PPP6R3: variants seen among roughly 807,000 people sequenced by gnomAD.
PPP6R3 encodes the protein protein phosphatase 6 regulatory subunit 3, also known as serine/threonine-protein phosphatase 6 regulatory subunit 3.
Under a neutral mutation model 110.7 loss-of-function variants are expected in PPP6R3, and 38 were observed. The ratio of observed to expected loss-of-function variants is 0.34; its 90% CI spans 0.26 to 0.45. PPP6R3 has a LOEUF of 0.45. Ranked by LOEUF, PPP6R3 falls within the 20% of genes least tolerant of loss-of-function variation. PPP6R3 has a pLI of 1.00. For synonymous variants in PPP6R3, 369 were observed against 373.5 expected, an observed-to-expected ratio of 0.99 and a Z score of 0.14; for missense variants, 870 against 1,062.4, an observed-to-expected ratio of 0.82 and a Z score of 2.52.
At chr11:68,599,122 T>C (rs147241713) in intron 19 of PPP6R3, among the ~76,000 whole-genome samples, 1 of 152,354 alleles carries the variant, frequency 6.6e-6, no homozygotes, top group East Asian at 1.9e-4. Context: ...GTCACTTGTG[T>C]CTGGGTTAAG....
At chr11:68,492,017 G>A (rs137981033) in intron 1 of PPP6R3, among the ~76,000 whole-genome samples, 358 of 152,250 alleles carry the variant, frequency 2.4e-3, no homozygotes, top group Middle Eastern at 0.014. Context: ...GGCAACTGCC[G>A]TTCTACTGTC....
chr11:68,604,302 T>C (rs892582847), intron 22 of PPP6R3, among the ~76,000 whole-genome samples: 13 of 152,228 alleles, frequency 8.5e-5, no homozygotes, highest in Non-Finnish European at 1.5e-5. Context: ...AGTGTGTACA[T>C]GGTAAAAATT....
Position 68,610,154 on chromosome 11 carries a change from C to T in PPP6R3, c.2570+131C>T, listed in dbSNP as rs1942685142. 7.0e-6 allele frequency: 9 copies of T among 1,286,368 alleles called. No homozygotes were observed. The East Asian group carries it at 7.5e-5, about 11-fold the overall frequency. 79.7% of individuals were successfully genotyped at this position (1,286,368 alleles called of 1,614,324 possible). A position where few individuals can be genotyped will look rare whatever the true frequency, so the allele number is the denominator to read the frequency against. On this transcript the variant is annotated intron_variant, in intron 23 of 23. Coordinates refer to ENST00000393800, the MANE Select transcript of PPP6R3 (RefSeq NM_001164161.2). ...GTCTTAGGCCGCTGACCTGGCAGGACAGGGTTTTCTCAGTCCTTAATGAGC... is the reference window on the plus strand; with the variant it reads ...GTCTTAGGCCGCTGACCTGGCAGGATAGGGTTTTCTCAGTCCTTAATGAGC...
At chr11:68,578,427 T>A (rs1476807133) in intron 14 of PPP6R3, among the ~76,000 whole-genome samples, 1 of 152,228 alleles carries the variant, frequency 6.6e-6, no homozygotes, top group African/African-American at 2.4e-5. Flanking sequence ...GCTTATGCCC[T>A]GTTCCCTTTC....
chr11:68,570,501 G>A (rs2099499740), intron 11 of PPP6R3, among the ~76,000 whole-genome samples: 1 of 152,234 alleles, frequency 6.6e-6, no homozygotes, highest in Admixed American at 6.5e-5. Flanking sequence ...AATGACACCT[G>A]AGAAGAACTA....
In PPP6R3 at chr11:68,537,722, G is replaced by A; in HGVS notation, c.58G>A (p.Glu20Lys). The A allele has an allele frequency of 6.2e-7, 1 of 1,613,494 alleles. No individual in the cohort carries two copies. The highest frequency in any genetic ancestry group is 8.5e-7 in the Non-Finnish European group (1 of 1,179,424). Reference protein sequence around the residue: ...SSHIDTLLEREDVTLKELMDE... With the variant: ...SSHIDTLLERKDVTLKELMDE... Reference sequence around the variant, plus strand: ...CCACATAGACACACTTCTAGAAAGAGAAGATGTAACACTGAAGGAGTTAAT... The same window carrying A: ...CCACATAGACACACTTCTAGAAAGAAAAGATGTAACACTGAAGGAGTTAAT... The change falls in exon 3 of 24, where the codon GAA becomes AAA. Residue 20 changes from glutamate (E) to lysine (K), a missense_variant. Transcript: ENST00000393800.
intron 5 of PPP6R3, among the ~76,000 whole-genome samples, chr11:68,550,368 G>A (rs946800154): frequency 1.3e-5 from 2 of 152,062 alleles, no homozygotes; most frequent in Non-Finnish European, 2.9e-5. Context: ...TTAGCTTTCC[G>A]GGCTTTTTAT....
chr11:68,521,998 A>G (rs540786951), intron 2 of PPP6R3, among the ~76,000 whole-genome samples: 1 of 152,300 alleles, frequency 6.6e-6, no homozygotes, highest in South Asian at 2.1e-4. Context: ...ATGTCTTTTT[A>G]CACAGGTAGG....
chr11:68,483,889 C>T (rs1473836255), intron 1 of PPP6R3, among the ~76,000 whole-genome samples: 1 of 152,216 alleles, frequency 6.6e-6, no homozygotes, highest in Non-Finnish European at 1.5e-5. Flanking sequence ...TCTATTCATC[C>T]TTACCTCCCT....
At chr11:68,612,322 A>G (rs972428290) in intron 23 of PPP6R3, among the ~76,000 whole-genome samples, 2 of 152,240 alleles carry the variant, frequency 1.3e-5, no homozygotes, top group African/African-American at 2.4e-5. Flanking sequence ...CATGAGTAGC[A>G]TTCTAGCTGT....
At chr11:68,561,214 A>G (rs1261440686) in intron 8 of PPP6R3, among the ~76,000 whole-genome samples, 2 of 152,096 alleles carry the variant, frequency 1.3e-5, no homozygotes, top group African/African-American at 4.8e-5. Flanking sequence ...TGTAAATGAT[A>G]TATGTTAAGC....
intron 9 of PPP6R3, among the ~76,000 whole-genome samples, chr11:68,566,162 T>A (rs1361339589): frequency 6.6e-6 from 1 of 152,220 alleles, no homozygotes; most frequent in Admixed American, 6.5e-5. Context: ...TTTGCATTTT[T>A]ATCACAGATT....
intron 15 of PPP6R3, among the ~76,000 whole-genome samples, chr11:68,586,040 A>G (rs1233870966): frequency 6.6e-6 from 1 of 152,054 alleles, no homozygotes; most frequent in Non-Finnish European, 1.5e-5. Context: ...AGGTAGGAGG[A>G]TTACTAGGAG....
chr11:68,562,729 T>C (rs540595263), intron 8 of PPP6R3, among the ~76,000 whole-genome samples: 9 of 152,304 alleles, frequency 5.9e-5, no homozygotes, highest in Admixed American at 5.2e-4. Flanking sequence ...GACTTTGATA[T>C]ATATTTTGCA....
Position 68,506,445 on chromosome 11 carries a change from A to G in PPP6R3, c.-157-13056A>G, listed in dbSNP as rs901176216. ...AAAAAAAAAAAAAAAAAAAAAAAAAAAAATTCCTAACTGTAAATTGATAAA... is the reference window on the plus strand; with the variant it reads ...AAAAAAAAAAAAAAAAAAAAAAAAAGAAATTCCTAACTGTAAATTGATAAA... On this transcript the variant is annotated intron_variant, in intron 1 of 23. Coordinates refer to ENST00000393800, the MANE Select transcript of PPP6R3 (RefSeq NM_001164161.2). Among the ~76,000 whole-genome samples the G allele has an allele frequency of 1.5e-3, 217 of 145,716 alleles. 1 individual carries two copies. The highest frequency in any genetic ancestry group is 5.4e-3 in the African/African-American group (212 of 39,434).
In PPP6R3 at chr11:68,551,107, A is replaced by G. The variant is rs760052515; in HGVS notation, c.553-14A>G. On this transcript the variant is annotated splice_polypyrimidine_tract_variant and intron_variant, in intron 5 of 23. Coordinates refer to ENST00000393800, the MANE Select transcript of PPP6R3 (RefSeq NM_001164161.2). ...CACTCATTGCTATGATTACTTCTACAATGTGTTTTACAGTGGTTAAATGAG... is the reference window on the plus strand; with the variant it reads ...CACTCATTGCTATGATTACTTCTACGATGTGTTTTACAGTGGTTAAATGAG... 1.9e-6 allele frequency: 3 copies of G among 1,577,514 alleles called. No individual in the cohort carries two copies. Among genetic ancestry groups the G allele is most frequent in the Admixed American group, 3.4e-5 (2 of 59,096 alleles).
In PPP6R3 at chr11:68,589,795, A is replaced by C. The variant is rs142615723; in HGVS notation, c.1731-865A>C. ...TAAAATATTTTTACAGCACGCTCTT[A>C]ATTGTGCTATAAACATGCCGTATGG... On this transcript the variant is annotated intron_variant, in intron 16 of 23. Transcript: ENST00000393800. Among the ~76,000 whole-genome samples the C allele has an allele frequency of 2.0e-5, 3 of 152,372 alleles. No homozygotes were observed. The East Asian group carries it at 5.8e-4, about 29-fold the overall frequency.
intron 1 of PPP6R3, among the ~76,000 whole-genome samples, chr11:68,494,198 C>T (rs920796928): frequency 6.6e-6 from 1 of 151,090 alleles, no homozygotes; most frequent in Non-Finnish European, 1.5e-5. Flanking sequence ...ACATCATTTA[C>T]CCTGATGTGA....
chr11:68,497,548 A>T (rs969442418), intron 1 of PPP6R3, among the ~76,000 whole-genome samples: 1 of 150,946 alleles, frequency 6.6e-6, no homozygotes, highest in East Asian at 2.0e-4. Flanking sequence ...AGAAACGGGG[A>T]TTTACCACGT....
Sources: gnomAD v4.1 joint callset for allele counts (sites outside exome capture counted in the v4.1 genomes callset) on GRCh38, gnomAD v4.1.1 for gene constraint, MANE v1.5 for transcripts, NCBI Gene and HGNC (gene_info 2026-07-23, HGNC 2026-07-21) for gene names.